The following MCC variants were observed in gnomAD, a reference collection of about 807,000 sequenced individuals.
MCC encodes the protein colorectal mutant cancer protein.
Under a neutral mutation model 116.2 loss-of-function variants are expected in MCC, and 90 were observed. That is an observed-to-expected ratio of 0.77 (90% CI 0.65 to 0.92). The LOEUF is 0.92. Among genes scored for constraint, MCC ranks in the 40% least tolerant of loss-of-function variants. The pLI, the probability that MCC is intolerant of heterozygous loss-of-function variation, is 0.00. For missense variants in MCC, 1,516 were observed against 1,312.2 expected (o/e 1.16, Z -2.40); for synonymous variants, 578 against 510.5 (o/e 1.13, Z -1.78).
At chr5:113,233,359 A>G (rs180686597) in intron 3 of MCC, among the ~76,000 whole-genome samples, 1 of 152,296 alleles carries the variant, frequency 6.6e-6, no homozygotes, top group Non-Finnish European at 1.5e-5. Context: ...TGTGCATCTC[A>G]AATGTCTACC....
At chr5:113,037,303 T>C (rs1751389247) in intron 17 of MCC, among the ~76,000 whole-genome samples, 1 of 152,238 alleles carries the variant, frequency 6.6e-6, no homozygotes, top group Non-Finnish European at 1.5e-5. Flanking sequence ...GTGGATGGTG[T>C]ATGAACTTGG....
intron 8 of MCC, among the ~76,000 whole-genome samples, chr5:113,094,854 C>G (rs1755909874): frequency 6.6e-6 from 1 of 152,172 alleles, no homozygotes; most frequent in African/African-American, 2.4e-5. Flanking sequence ...TACTGGTGCC[C>G]ACAGCAGGAG....
chr5:113,384,874 T>C, intron 2 of MCC, 94 bp downstream of exon 2: 2 of 1,417,124 alleles, frequency 1.4e-6, no homozygotes, highest in East Asian at 2.3e-5. Flanking sequence ...GAGCTGAGGC[T>C]GTGGCCTCAT....
intron 3 of MCC, among the ~76,000 whole-genome samples, chr5:113,283,921 G>A (rs1464518397): frequency 6.6e-6 from 1 of 152,164 alleles, no homozygotes; most frequent in Non-Finnish European, 1.5e-5. Flanking sequence ...TACTCTACAT[G>A]AAGACGATGA....
chr5:113,184,503 C>CA (rs1581218453), intron 3 of MCC, among the ~76,000 whole-genome samples: 2 of 116,706 alleles, frequency 1.7e-5, no homozygotes, highest in East Asian at 2.6e-4. Flanking sequence ...TTTTTGGAGA[C>CA]AGAGTCTTGT....
rs557148080 is a variant in MCC, at chr5:113,184,668, C to G, written c.628-33246G>C. Among the ~76,000 whole-genome samples, 13 of 151,790 alleles carry G rather than the reference C, an allele frequency of 8.6e-5. No homozygotes were observed. In the South Asian group the frequency reaches 2.7e-3, roughly 32 times the overall value. ...TCTATAACCCTATAGGAACAGAGGT[C>G]AACAAGGATTATTTTTATTAAAAAT... is the stretch of plus-strand genomic sequence containing the variant. On this transcript the variant is annotated intron_variant, in intron 3 of 18. Transcript: ENST00000408903.
chr5:113,241,545 T>A (rs1011448179), intron 3 of MCC, among the ~76,000 whole-genome samples: 2 of 152,114 alleles, frequency 1.3e-5, no homozygotes, highest in Non-Finnish European at 2.9e-5. Context: ...TAGTTGTAAG[T>A]TTATTTAGAG....
At chr5:113,150,657 G>C (rs148775919) in intron 4 of MCC, among the ~76,000 whole-genome samples, 1 of 151,976 alleles carries the variant, frequency 6.6e-6, no homozygotes, top group Non-Finnish European at 1.5e-5. Flanking sequence ...AATTAAAAAA[G>C]ATTTAAAATA....
At chr5:113,343,369 A>G (rs1472585120) in intron 2 of MCC, among the ~76,000 whole-genome samples, 1 of 152,196 alleles carries the variant, frequency 6.6e-6, no homozygotes, top group Non-Finnish European at 1.5e-5. Context: ...GTTAAAGTCT[A>G]TTGATTGTAT....
intron 2 of MCC, among the ~76,000 whole-genome samples, chr5:113,359,542 A>T (rs1414702673): frequency 3.3e-5 from 5 of 152,278 alleles, no homozygotes; most frequent in Non-Finnish European, 5.9e-5. Flanking sequence ...AGTTTAATAT[A>T]AAAGGCAAAG....
intron 2 of MCC, among the ~76,000 whole-genome samples, chr5:113,348,623 A>C (rs1363888976): frequency 6.6e-6 from 1 of 152,058 alleles, no homozygotes; most frequent in Non-Finnish European, 1.5e-5. Context: ...AAAAACAAAT[A>C]AACAACCTAA....
intron 17 of MCC, among the ~76,000 whole-genome samples, chr5:113,041,119 TG>T (rs1338933896): frequency 6.6e-6 from 1 of 152,202 alleles, no homozygotes; most frequent in Non-Finnish European, 1.5e-5. Context: ...CCAGAGGCTC[TG>T]GCAAAGTACA....
chr5:113,440,009 C>T (rs1187228381), intron 1 of MCC, among the ~76,000 whole-genome samples: 1 of 152,132 alleles, frequency 6.6e-6, no homozygotes, highest in Non-Finnish European at 1.5e-5. Context: ...GGGATCCTCC[C>T]ACCTCAGCCT....
intron 2 of MCC, among the ~76,000 whole-genome samples, chr5:113,383,158 C>T (rs997723548): frequency 1.3e-5 from 2 of 152,084 alleles, no homozygotes; most frequent in African/African-American, 4.8e-5. Context: ...CAAAAAATTT[C>T]CTTCTGTGTA....
intron 3 of MCC, among the ~76,000 whole-genome samples, chr5:113,228,100 T>C (rs561292062): frequency 6.6e-6 from 1 of 152,358 alleles, no homozygotes; most frequent in East Asian, 1.9e-4. Context: ...TAAGTAGGTG[T>C]TGAATGAACA....
At chr5:113,251,814 G>A (rs1764814953) in intron 3 of MCC, among the ~76,000 whole-genome samples, 2 of 152,160 alleles carry the variant, frequency 1.3e-5, no homozygotes, top group South Asian at 4.1e-4. Context: ...CTCCTCTATA[G>A]GAAGTGGGAA....
Position 113,333,794 on chromosome 5 carries a change from T to TATATGTATATATGTATATATGTAC in MCC, c.627+6724_627+6725insGTACATATATACATATATACATAT, listed in dbSNP as rs1469700100. ...TGTCTTTGCTTCATATATATTTATA[T>TATATGTATATATGTATATATGTAC]ATATATGTATATATGTATATATGTA... is the stretch of plus-strand genomic sequence containing the variant. On this transcript the variant is annotated intron_variant, in intron 3 of 18. Transcript: ENST00000408903. Among the ~76,000 whole-genome samples the TATATGTATATATGTATATATGTAC allele has an allele frequency of 7.8e-5, 7 of 89,776 alleles. 1 individual carries two copies. The South Asian group carries it at 1.0e-3, about 13-fold the overall frequency. 58.9% of individuals were successfully genotyped at this position (89,776 alleles called of 152,430 possible). A position where few individuals can be genotyped will look rare whatever the true frequency, so the allele number is the denominator to read the frequency against.
chr5:113,180,161 A>C (rs1451968321), intron 3 of MCC, among the ~76,000 whole-genome samples: 1 of 152,130 alleles, frequency 6.6e-6, no homozygotes, highest in Non-Finnish European at 1.5e-5. Flanking sequence ...TCTGGACTTC[A>C]CGGGCCCATC....
chr5:113,290,338 G>T (rs1166379820), intron 3 of MCC, among the ~76,000 whole-genome samples: 1 of 152,168 alleles, frequency 6.6e-6, no homozygotes, highest in Non-Finnish European at 1.5e-5. Flanking sequence ...GCAGAATTTT[G>T]TCTGTCCATT....
Sources: allele counts gnomAD v4.1 joint callset (sites outside exome capture counted in the v4.1 genomes callset), GRCh38; gene constraint gnomAD v4.1.1; transcripts MANE v1.5; gene names NCBI Gene and HGNC (gene_info 2026-07-23, HGNC 2026-07-21).